Variants in CALML6 observed in about 807,000 individuals in gnomAD.
CALML6 encodes the protein calmodulin-like protein 6.
Under a neutral mutation model 25.0 loss-of-function variants are expected in CALML6, and 27 were observed. The ratio of observed to expected loss-of-function variants is 1.08; its 90% CI spans 0.80 to 1.49. The LOEUF is 1.49. CALML6 is among the 40% of genes most tolerant of loss of function. The pLI, the probability that CALML6 is intolerant of heterozygous loss-of-function variation, is 0.00. For synonymous variants in CALML6, 97 were observed against 87.2 expected, an observed-to-expected ratio of 1.11 and a Z score of -0.63; for missense variants, 239 against 232.7, an observed-to-expected ratio of 1.03 and a Z score of -0.18.
Position 1,916,606 on chromosome 1 carries a change from G to C in CALML6, c.244G>C (p.Asp82His). ...GCTGGCCTCAATGGCCAAGGATGTGGACAGAGACAGTGAGCTCATGGCTGG... is the reference window on the plus strand; with the variant it reads ...GCTGGCCTCAATGGCCAAGGATGTGCACAGAGACAGTGAGCTCATGGCTGG... ...SELASMAKDV[D>H]RDNKGFFNCD... The change falls in exon 3 of 6, where the codon GAC (aspartate) becomes CAC (histidine). Residue 82 changes from aspartate (D) to histidine (H), a missense_variant. Asp to His is a moderately conservative substitution (Grantham distance 81). Around this residue, in one of 2 missense-constraint regions of CALML6, gnomAD observed 231 missense variants for 210.9 expected, o/e 1.10. Coordinates refer to ENST00000307786, the MANE Select transcript of CALML6 (RefSeq NM_138705.4). The C allele has an allele frequency of 6.2e-7, 1 of 1,606,298 alleles. No homozygotes were observed. Among genetic ancestry groups the C allele is most frequent in the Non-Finnish European group, 8.5e-7 (1 of 1,175,654 alleles).
Position 1,917,144 on chromosome 1 carries a change from C to T in CALML6, c.500-3C>T, listed in dbSNP as rs1327529827. On this transcript the variant is annotated splice_polypyrimidine_tract_variant and splice_region_variant and intron_variant, in intron 5 of 5. Coordinates refer to ENST00000307786, the MANE Select transcript of CALML6 (RefSeq NM_138705.4). ...AGCTGCTGACCTGCCCCTCTGTTCC[C>T]AGAGTTTGTGGCCATGATGACGGGG... 1 of 1,608,816 alleles carries T rather than the reference C, an allele frequency of 6.2e-7. No individual in the cohort carries two copies. Among genetic ancestry groups the T allele is most frequent in the Non-Finnish European group, 8.5e-7 (1 of 1,178,490 alleles).
chr1:1,915,904 G>A (rs1336677571), intron 2 of CALML6, 169 bp downstream of exon 2: 3 of 675,092 alleles, frequency 4.4e-6, no homozygotes, highest in Non-Finnish European at 7.8e-6. Context: ...CCGGGGCCAG[G>A]GTGGAGCAGC....
At position 1,915,298 on chromosome 1, in the gene CALML6, A is replaced by T; in HGVS notation, c.18A>T (p.Glu6Asp). The T allele has an allele frequency of 6.4e-7, 1 of 1,556,940 alleles. No individual in the cohort carries two copies. The highest frequency in any genetic ancestry group is 2.4e-5 in the East Asian group (1 of 41,512). Reference sequence around the variant, plus strand: ...TGGCCAGGATGGGTCTTCAACAAGAAATCTCACTGGTAAGTGATGACAGCA... The same window carrying T: ...TGGCCAGGATGGGTCTTCAACAAGATATCTCACTGGTAAGTGATGACAGCA... Reference protein sequence around the residue: MGLQQEISLQPWCHHP... With the variant: MGLQQDISLQPWCHHP... The change falls in exon 1 of 6, where the codon GAA becomes GAT. Residue 6 changes from glutamate to aspartate, a missense_variant. Around this residue, in one of 2 missense-constraint regions of CALML6, gnomAD observed 8 missense variants for 21.8 expected, o/e 0.37. Transcript: ENST00000307786.
Position 1,915,326 on chromosome 1 carries a change from G to T in CALML6, c.27+19G>T. ...CTCACTGGTAAGTGATGACAGCATG[G>T]GACCAGGGTCCCATGAAGACCTGCT... On this transcript the variant is annotated intron_variant, in intron 1 of 5. Transcript: ENST00000307786. The T allele has an allele frequency of 6.4e-7, 1 of 1,551,854 alleles. No homozygotes were observed.
At chr1:1,915,909 A>G in intron 2 of CALML6, 174 bp downstream of exon 2, 1 of 657,264 alleles carries the variant, frequency 1.5e-6, no homozygotes, top group East Asian at 2.8e-5. Context: ...GCCAGGGTGG[A>G]GCAGCCCTTT....
At chr1:1,916,007 G>T in intron 2 of CALML6, 1 of 543,722 alleles carries the variant, frequency 1.8e-6, no homozygotes, top group Non-Finnish European at 3.3e-6. Flanking sequence ...TGCCACACAG[G>T]CTGGAGCCCA....
rs141455584 is a variant in CALML6 at position 1,916,497 on chromosome 1, C to T, written c.135C>T (p.Phe45=). ...IKEYKGVFEM[F]DEEGNGEVKT... ...AGTACAAGGGAGTCTTTGAGATGTTCGACGAAGAGGGCAACGGGGAGGTGA... is the reference window on the plus strand; with the variant it reads ...AGTACAAGGGAGTCTTTGAGATGTTTGACGAAGAGGGCAACGGGGAGGTGA... Residue 45 remains phenylalanine, a synonymous_variant, in exon 3 of 6, where the codon TTC becomes TTT. Transcript: ENST00000307786. The T allele has an allele frequency of 1.0e-4, 164 of 1,586,794 alleles. No homozygotes were observed. The highest frequency in any genetic ancestry group is 6.6e-4 in the Middle Eastern group (4 of 6,034).
At position 1,916,890 on chromosome 1, in the gene CALML6, C is replaced by T. The variant is rs763158102; in HGVS notation, c.392C>T (p.Thr131Ile). 2.0e-5 allele frequency: 29 copies of T among 1,479,320 alleles called. No individual in the cohort carries two copies. The highest frequency in any genetic ancestry group is 2.6e-5 in the Non-Finnish European group (28 of 1,070,796). The allele number at this position is 1,479,320 out of a possible 1,614,324, so 91.6% of individuals were successfully genotyped here. The change falls in exon 4 of 6, where the codon ACA (threonine) becomes ATA (isoleucine). Residue 131 changes from threonine (T) to isoleucine (I), a missense_variant. Thr to Ile is a moderately conservative substitution (Grantham distance 89). Transcript: ENST00000307786. ...GGCAAGGGCTACATTGACTGGAACA[C>T]ACTCAAGTAGGGCCCGGGTTGGGGG... ...KEGKGYIDWN[T>I]LKYVLMNAGE...
chr1:1,916,501 G>A lies in CALML6; in HGVS notation c.139G>A (p.Glu47Lys), dbSNP rs150584821. The change falls in exon 3 of 6, where the codon GAA (glutamate) becomes AAA (lysine). Residue 47 changes from glutamate (E) to lysine (K), a missense_variant. Physicochemically the swap from Glu to Lys is moderately conservative, Grantham distance 56. This residue lies in a region of CALML6 where 231 missense variants were observed against 210.9 expected (regional missense o/e 1.10). Transcript: ENST00000307786. ...EYKGVFEMFD[E>K]EGNGEVKTGE... ...CAAGGGAGTCTTTGAGATGTTCGAC[G>A]AAGAGGGCAACGGGGAGGTGAAGAC... 98 of 1,596,340 alleles carry A rather than the reference G, an allele frequency of 6.1e-5. No homozygotes were observed. The African/African-American group carries it at 7.4e-4, about 12-fold the overall frequency.
chr1:1,916,082 C>A (rs1651098510), intron 2 of CALML6: 4 of 444,934 alleles, frequency 9.0e-6, no homozygotes, highest in South Asian at 2.9e-5. Context: ...CAGGGCTGGG[C>A]TCCTCCCCAC....
At position 1,915,280 on chromosome 1, in the gene CALML6, G is replaced by C. The variant is rs372114057; in HGVS notation, c.-1G>C. On this transcript the variant is annotated 5_prime_UTR_variant, in exon 1 of 6. Transcript: ENST00000307786. The stretch of plus-strand genomic sequence containing the variant: ...GAGCCACTGAGCACCAGCTGGCCAG[G>C]ATGGGTCTTCAACAAGAAATCTCAC... The C allele has an allele frequency of 6.4e-6, 10 of 1,558,244 alleles. No individual in the cohort carries two copies. Among genetic ancestry groups the C allele is most frequent in the Non-Finnish European group, 8.7e-6 (10 of 1,151,054 alleles).
intron 1 of CALML6, 52 bp downstream of exon 1, chr1:1,915,359 C>G: frequency 5.2e-6 from 8 of 1,549,326 alleles, no homozygotes; most frequent in Non-Finnish European, 7.0e-6. Flanking sequence ...GCTGGAGGGC[C>G]GCACCTCTGG....
Position 1,916,916 on chromosome 1 carries a change from C to CGGGG in CALML6, c.398+23_398+24insGGGG. 3 of 349,046 alleles carry CGGGG rather than the reference C, an allele frequency of 8.6e-6. No individual in the cohort carries two copies. Among genetic ancestry groups the CGGGG allele is most frequent in the South Asian group, 3.1e-5 (1 of 31,814 alleles). The allele number at this position is 349,046 out of a possible 1,614,324, so 21.6% of individuals were successfully genotyped here. A position where few individuals can be genotyped will look rare whatever the true frequency, so the allele number is the denominator to read the frequency against. The stretch of plus-strand genomic sequence containing the variant: ...ACTCAAGTAGGGCCCGGGTTGGGGG[C>CGGGG]GGGTGGTGGGCGGGCACGGGCAGGG... On this transcript the variant is annotated intron_variant, in intron 4 of 5. Coordinates refer to ENST00000307786, the MANE Select transcript of CALML6 (RefSeq NM_138705.4).
At position 1,916,852 on chromosome 1, in the gene CALML6, C is replaced by T. The variant is rs778729991; in HGVS notation, c.354C>T (p.Val118=). 2 of 1,427,216 alleles carry T rather than the reference C, an allele frequency of 1.4e-6. No individual in the cohort carries two copies. The highest frequency in any genetic ancestry group is 2.3e-5 in the South Asian group (2 of 88,524). 88.4% of individuals were successfully genotyped at this position (1,427,216 alleles called of 1,614,324 possible). A position where few individuals can be genotyped will look rare whatever the true frequency, so the allele number is the denominator to read the frequency against. Reference sequence around the variant, plus strand: ...GCGAGCTGAGGGCGGCATTCCGTGTCTTTGACAAAGAGGGCAAGGGCTACA... The same window carrying T: ...GCGAGCTGAGGGCGGCATTCCGTGTTTTTGACAAAGAGGGCAAGGGCTACA... ...QESELRAAFR[V]FDKEGKGYID... The change falls in exon 4 of 6, where the codon GTC becomes GTT. Residue 118 remains valine, a synonymous_variant. Transcript: ENST00000307786.
chr1:1,915,686 A>G lies in CALML6; in HGVS notation c.29A>G (p.Gln10Arg). Reference protein sequence around the residue: MGLQQEISLQPWCHHPAESC... With the variant: MGLQQEISLRPWCHHPAESC... Reference sequence around the variant, plus strand: ...ACTGCCCCAGCACTCTGCCCACAGCAGCCCTGGTGTCACCACCCTGCAGAA... The same window carrying G: ...ACTGCCCCAGCACTCTGCCCACAGCGGCCCTGGTGTCACCACCCTGCAGAA... The change falls in exon 2 of 6, where the codon CAG becomes CGG. Residue 10 changes from glutamine (Q) to arginine (R), a missense_variant and splice_region_variant. Transcript: ENST00000307786. 6.2e-7 allele frequency: 1 copy of G among 1,613,322 alleles called. No individual in the cohort carries two copies.
chr1:1,915,693 G>A lies in CALML6; in HGVS notation c.36G>A (p.Trp12Ter). ...CAGCACTCTGCCCACAGCAGCCCTGGTGTCACCACCCTGCAGAATCCTGTC... is the reference window on the plus strand; with the variant it reads ...CAGCACTCTGCCCACAGCAGCCCTGATGTCACCACCCTGCAGAATCCTGTC... ...GLQQEISLQPWCHHPAESCQT... is the reference protein window; with the variant it reads ...GLQQEISLQP The change falls in exon 2 of 6, where the codon TGG becomes TGA. Residue 12 changes from tryptophan (W) to a stop codon, truncating the protein, a stop_gained. Coordinates refer to ENST00000307786, the MANE Select transcript of CALML6 (RefSeq NM_138705.4). LOFTEE classifies it high-confidence loss of function. 1.2e-6 allele frequency: 2 copies of A among 1,613,390 alleles called. No homozygotes were observed. Among genetic ancestry groups the A allele is most frequent in the Non-Finnish European group, 1.7e-6 (2 of 1,179,972 alleles).
In CALML6 at chr1:1,916,604, T is replaced by C. The variant is rs775171208; in HGVS notation, c.242T>C (p.Val81Ala). 1.2e-5 allele frequency: 20 copies of C among 1,604,630 alleles called. No individual in the cohort carries two copies. The highest frequency in any genetic ancestry group is 3.3e-4 in the Middle Eastern group (2 of 6,054). ...GAGCTGGCCTCAATGGCCAAGGATG[T>C]GGACAGAGACAGTGAGCTCATGGCT... is the stretch of plus-strand genomic sequence containing the variant. The part of the protein sequence containing the change: ...KSELASMAKD[V>A]DRDNKGFFNC... The change falls in exon 3 of 6, where the codon GTG (valine) becomes GCG (alanine). Residue 81 changes from valine to alanine, a missense_variant. Transcript: ENST00000307786.
Position 1,917,055 on chromosome 1 carries a change from C to T in CALML6, c.480C>T (p.Asp160=), listed in dbSNP as rs755375170. 2 of 1,611,064 alleles carry T rather than the reference C, an allele frequency of 1.2e-6. No homozygotes were observed. The highest frequency in any genetic ancestry group is 2.2e-5 in the East Asian group (1 of 44,786). Residue 160 remains aspartate, a synonymous_variant, in exon 5 of 6, where the codon GAC becomes GAT. Coordinates refer to ENST00000307786, the MANE Select transcript of CALML6 (RefSeq NM_138705.4). ...TGAAGGAGGCCGACAAGGATGGGGA[C>T]AGGACCATCGACTATGAGGGTGAGT... ...QMMKEADKDG[D]RTIDYEEFVA...
chr1:1,915,334 G>T, intron 1 of CALML6, 27 bp downstream of exon 1: 1 of 1,551,372 alleles, frequency 6.4e-7, no homozygotes, highest in Non-Finnish European at 8.7e-7. Flanking sequence ...TGGGACCAGG[G>T]TCCCATGAAG....
Sources: allele counts gnomAD v4.1 joint callset, GRCh38; gene constraint gnomAD v4.1.1; regional missense constraint gnomAD v4.1.1; transcripts MANE v1.5; gene names NCBI Gene and HGNC (gene_info 2026-07-23, HGNC 2026-07-21).